Variants in UTP4 observed in about 807,000 individuals in gnomAD.
UTP4 encodes the protein U3 small nucleolar RNA-associated protein 4 homolog.
A neutral mutation model predicts 82.4 loss-of-function variants in UTP4; 45 were observed. The ratio of observed to expected loss-of-function variants is 0.55; its 90% CI spans 0.43 to 0.70. The LOEUF is 0.70. Among genes scored for constraint, UTP4 ranks in the 30% least tolerant of loss-of-function variants. The pLI is 0.00. For synonymous variants in UTP4, 348 were observed against 300.3 expected (o/e 1.16, Z -1.64); for missense variants, 819 against 858.3 (o/e 0.95, Z 0.57).
chr16:69,143,346 A>G lies in UTP4; in HGVS notation c.695A>G (p.His232Arg), dbSNP rs1597137302. The change falls in exon 6 of 17, where the codon CAT becomes CGT. Residue 232 changes from histidine to arginine, a missense_variant. By Grantham distance (29) the His-to-Arg change is conservative (BLOSUM62 0). Coordinates refer to ENST00000314423, the MANE Select transcript of UTP4 (RefSeq NM_032830.3). ...DSATGTLVKS[H>R]LIANADVQSI... is the part of the protein sequence containing the mutation. ...GCCACTGGGACGCTTGTGAAGAGCC[A>G]TCTCATCGCTAATGCTGACGTGCAG... The G allele has an allele frequency of 1.2e-6, 2 of 1,614,170 alleles. No individual in the cohort carries two copies. The highest frequency in any genetic ancestry group is 1.6e-4 in the Middle Eastern group (1 of 6,062).
chr16:69,143,474 A>G (rs1009344094), intron 6 of UTP4, 85 bp downstream of exon 6: 21 of 1,175,470 alleles, frequency 1.8e-5, no homozygotes, highest in Middle Eastern at 2.2e-4. Context: ...TGCCATGAAC[A>G]CTGGTTCCTG....
intron 6 of UTP4, among the ~76,000 whole-genome samples, chr16:69,144,475 A>G (rs1177503461): frequency 6.6e-6 from 1 of 152,224 alleles, no homozygotes; most frequent in Non-Finnish European, 1.5e-5. Flanking sequence ...GGCGTGAGCC[A>G]CCACACCCAG....
At position 69,133,392 on chromosome 16, in the gene UTP4, C is replaced by T. The variant is rs939344643; in HGVS notation, c.-2-66C>T. On this transcript the variant is annotated intron_variant, in intron 1 of 16. Transcript: ENST00000314423. ...CAGCCAGAACAGTGATATTAAGGAACTGAATACTATATGTGACATACTGCA... is the reference window on the plus strand; with the variant it reads ...CAGCCAGAACAGTGATATTAAGGAATTGAATACTATATGTGACATACTGCA... 2.0e-6 allele frequency: 3 copies of T among 1,492,378 alleles called. No individual in the cohort carries two copies. The African/African-American group carries it at 4.1e-5, about 21-fold the overall frequency. 92.4% of individuals were successfully genotyped at this position (1,492,378 alleles called of 1,614,324 possible).
intron 12 of UTP4, among the ~76,000 whole-genome samples, chr16:69,158,097 T>C (rs1963467339): frequency 6.7e-6 from 1 of 149,850 alleles, no homozygotes; most frequent in African/African-American, 2.5e-5. Context: ...CACCTCTCCC[T>C]TGTCCTGGAT....
intron 13 of UTP4, among the ~76,000 whole-genome samples, chr16:69,162,459 C>G (rs1963588201): frequency 2.0e-5 from 3 of 151,492 alleles, no homozygotes; most frequent in Non-Finnish European, 4.4e-5. Context: ...CGCCTATAAT[C>G]CCAACACTTT....
At chr16:69,133,990 AATG>A (rs1351622217) in intron 2 of UTP4, among the ~76,000 whole-genome samples, 1 of 152,206 alleles carries the variant, frequency 6.6e-6, no homozygotes, top group Admixed American at 6.5e-5. Flanking sequence ...ATTCAGAAAA[AATG>A]ATAACACGTT....
At chr16:69,161,667 A>C (rs2152283381) in intron 13 of UTP4, among the ~76,000 whole-genome samples, 1 of 152,260 alleles carries the variant, frequency 6.6e-6, no homozygotes, top group African/African-American at 2.4e-5. Flanking sequence ...GCGGTTAAAT[A>C]AGCTTTTTAT....
chr16:69,140,138 G>A (rs563233167), intron 5 of UTP4, among the ~76,000 whole-genome samples: 8 of 152,084 alleles, frequency 5.3e-5, no homozygotes, highest in Non-Finnish European at 8.8e-5. Context: ...TTCATTCATC[G>A]TAATAAGAAT....
intron 6 of UTP4, among the ~76,000 whole-genome samples, chr16:69,143,706 C>G (rs1044680311): frequency 2.6e-5 from 4 of 151,990 alleles, no homozygotes; most frequent in Admixed American, 2.6e-4. Flanking sequence ...ATGTTTATAC[C>G]TTTGTATTTA....
chr16:69,160,023 G>C (rs1481057304), intron 12 of UTP4, among the ~76,000 whole-genome samples: 1 of 151,862 alleles, frequency 6.6e-6, no homozygotes, highest in South Asian at 2.1e-4. Flanking sequence ...AAACCATTTG[G>C]TAGGAAAGGA....
intron 12 of UTP4, among the ~76,000 whole-genome samples, chr16:69,159,413 G>A (rs941712142): frequency 6.6e-6 from 1 of 152,256 alleles, no homozygotes; most frequent in African/African-American, 2.4e-5. Flanking sequence ...AAAATTTAGG[G>A]GCCGGGCACA....
rs1444375994 is a variant in UTP4, at chr16:69,163,678, G to A, written c.1647+500G>A. The stretch of plus-strand genomic sequence containing the variant: ...TGTAAGGAGATTGTGATTATAAGGA[G>A]ATCTTTAAAAAAAAAAAAACCTGGG... On this transcript the variant is annotated intron_variant, in intron 14 of 16. Transcript: ENST00000314423. Among the ~76,000 whole-genome samples the A allele has an allele frequency of 2.9e-5, 4 of 139,244 alleles. No homozygotes were observed. The East Asian group carries it at 7.8e-4, about 27-fold the overall frequency. The allele number at this position is 139,244 out of a possible 152,430, so 91.3% of individuals were successfully genotyped here.
chr16:69,147,697 T>C (rs557853551), intron 6 of UTP4, among the ~76,000 whole-genome samples: 6 of 152,124 alleles, frequency 3.9e-5, no homozygotes, highest in Non-Finnish European at 8.8e-5. Flanking sequence ...ATACAAGAAA[T>C]GCATTTATGT....
chr16:69,138,336 C>T (rs1962866843), intron 4 of UTP4, among the ~76,000 whole-genome samples: 1 of 151,290 alleles, frequency 6.6e-6, no homozygotes, highest in South Asian at 2.1e-4. Context: ...CTCCCGGCTT[C>T]AAGTGATTCT....
intron 8 of UTP4, among the ~76,000 whole-genome samples, chr16:69,152,479 T>G (rs1029704991): frequency 6.8e-6 from 1 of 147,018 alleles, no homozygotes; most frequent in African/African-American, 2.6e-5. Flanking sequence ...TTTTTTTTTT[T>G]TTTTTTTGAG....
At chr16:69,144,968 C>T (rs1157008078) in intron 6 of UTP4, among the ~76,000 whole-genome samples, 2 of 151,968 alleles carry the variant, frequency 1.3e-5, no homozygotes, top group African/African-American at 4.8e-5. Flanking sequence ...ATGGTGAAAC[C>T]CTGTCTCTAC....
intron 6 of UTP4, among the ~76,000 whole-genome samples, chr16:69,148,421 C>T (rs1316157903): frequency 5.3e-5 from 8 of 150,156 alleles, no homozygotes; most frequent in African/African-American, 1.5e-4. Context: ...TTAATAGAGA[C>T]GGGGTTTTAT....
intron 13 of UTP4, among the ~76,000 whole-genome samples, chr16:69,162,124 C>T (rs1963579219): frequency 6.6e-6 from 1 of 151,980 alleles, no homozygotes; most frequent in African/African-American, 2.4e-5. Context: ...CACGCCACCA[C>T]ACCCAGCTAA....
chr16:69,150,497 T>C, intron 6 of UTP4, 40 bp from the exon 7 acceptor site: 1 of 1,612,566 alleles, frequency 6.2e-7, no homozygotes, highest in Non-Finnish European at 8.5e-7. Context: ...CCAGACCTTG[T>C]TTTGCTTACG....
Sources: gnomAD v4.1 joint callset for allele counts (sites outside exome capture counted in the v4.1 genomes callset) on GRCh38, gnomAD v4.1.1 for gene constraint, MANE v1.5 for transcripts, NCBI Gene and HGNC (gene_info 2026-07-23, HGNC 2026-07-21) for gene names.